The following ELP6 variants were observed in gnomAD, a reference collection of about 807,000 sequenced individuals.
ELP6 encodes the protein elongator complex protein 6.
Under a neutral mutation model 28.1 loss-of-function variants are expected in ELP6, and 23 were observed. The ratio of observed to expected loss-of-function variants is 0.82; its 90% CI spans 0.59 to 1.16. The LOEUF (loss-of-function observed/expected upper bound fraction) is 1.16. ELP6 is among the 50% of genes most tolerant of loss of function. The pLI is 0.00. For missense variants in ELP6, 313 were observed against 334.6 expected (o/e 0.94, Z 0.50); for synonymous variants, 132 against 135.8 (o/e 0.97, Z 0.19).
intron 3 of ELP6, among the ~76,000 whole-genome samples, chr3:47,508,195 T>G (rs1477064267): frequency 6.6e-6 from 1 of 152,254 alleles, no homozygotes; most frequent in Non-Finnish European, 1.5e-5. Flanking sequence ...AGGCAGTGAC[T>G]TGGTCCAATA....
chr3:47,511,788 A>T, intron 1 of ELP6: 1 of 991,420 alleles, frequency 1.0e-6, no homozygotes, highest in Non-Finnish European at 1.2e-6. Context: ...AAGACCTCTA[A>T]GGGTGGTCTC....
rs1013326098 is a variant in ELP6 at position 47,498,531 on chromosome 3, T to C, written c.526-99A>G. 4.5e-6 allele frequency: 7 copies of C among 1,544,926 alleles called. No homozygotes were observed. In the Admixed American group the frequency reaches 1.2e-4, roughly 27 times the overall value. ...GTTGCCTCCACTCCCCTGTACATCC[T>C]CTCACAGATCACCCTCCCTGCTGCT... On this transcript the variant is annotated intron_variant, in intron 5 of 6. Transcript: ENST00000296149.
In ELP6 at chr3:47,511,027, G is replaced by A. The variant is rs924329131; in HGVS notation, c.133+121C>T. On this transcript the variant is annotated intron_variant, in intron 2 of 6. Coordinates refer to ENST00000296149, the MANE Select transcript of ELP6 (RefSeq NM_001031703.3). Reference sequence around the variant, plus strand: ...TTATCCTAATAAAATAGCCCCCCTAGGTATCCCAACACCAAGGCTTGGCTT... The same window carrying A: ...TTATCCTAATAAAATAGCCCCCCTAAGTATCCCAACACCAAGGCTTGGCTT... 12 of 777,478 alleles carry A rather than the reference G, an allele frequency of 1.5e-5. No homozygotes were observed. The African/African-American group carries it at 2.1e-4, about 13-fold the overall frequency. The allele number at this position is 777,478 out of a possible 1,614,324, so 48.2% of individuals were successfully genotyped here.
chr3:47,503,480 C>T (rs1708728995), intron 4 of ELP6: 4 of 1,265,328 alleles, frequency 3.2e-6, no homozygotes, highest in Non-Finnish European at 4.1e-6. Context: ...GCTTGCAGGT[C>T]ATATGGTCTC....
intron 1 of ELP6, 172 bp from the exon 2 acceptor site, chr3:47,511,398 G>A: frequency 7.1e-7 from 1 of 1,411,838 alleles, no homozygotes; most frequent in Non-Finnish European, 9.2e-7. Context: ...CAAAATTATG[G>A]AAAATCCATG....
Position 47,513,626 on chromosome 3 carries a change from C to G in ELP6, c.-36G>C. 1 of 1,612,552 alleles carries G rather than the reference C, an allele frequency of 6.2e-7. No individual in the cohort carries two copies. Among genetic ancestry groups the G allele is most frequent in the Admixed American group, 1.7e-5 (1 of 59,802 alleles). On this transcript the variant is annotated 5_prime_UTR_variant, in exon 1 of 7. Transcript: ENST00000296149. ...TGGGACTAGCGCTCTGGAGGAGAAC[C>G]CGGAGTGCTGCAGAGACGACGGAGG... is the stretch of plus-strand genomic sequence containing the variant.
chr3:47,512,070 G>A (rs1008150645), intron 1 of ELP6: 5 of 985,174 alleles, frequency 5.1e-6, no homozygotes, highest in Non-Finnish European at 6.0e-6. Context: ...AGTGCCAGTG[G>A]TAACTGGCAA....
chr3:47,505,928 G>A (rs1403004144), intron 3 of ELP6, among the ~76,000 whole-genome samples: 2 of 152,020 alleles, frequency 1.3e-5, no homozygotes, highest in East Asian at 1.9e-4. Flanking sequence ...GGCTGGTCTC[G>A]AACTCCTGGC....
At chr3:47,505,546 A>G (rs1180155601) in intron 3 of ELP6, among the ~76,000 whole-genome samples, 1 of 152,036 alleles carries the variant, frequency 6.6e-6, no homozygotes, top group African/African-American at 2.4e-5. Flanking sequence ...CTGGGATTAC[A>G]GGTATGCACC....
chr3:47,499,412 G>A (rs544386882), intron 5 of ELP6, among the ~76,000 whole-genome samples: 2 of 152,082 alleles, frequency 1.3e-5, no homozygotes, highest in African/African-American at 2.4e-5. Flanking sequence ...CCAGCTACTC[G>A]GGAGGCTGTG....
chr3:47,513,127 A>T (rs964742617), intron 1 of ELP6: 27 of 855,586 alleles, frequency 3.2e-5, no homozygotes. Flanking sequence ...AGTAGCTGAG[A>T]TTACAGGCAT....
intron 4 of ELP6, among the ~76,000 whole-genome samples, chr3:47,502,851 T>A (rs901265171): frequency 2.6e-5 from 4 of 151,210 alleles, no homozygotes; most frequent in South Asian, 4.2e-4. Flanking sequence ...AAAAAAAAAA[T>A]GAAAAGAAGA....
chr3:47,513,537 C>G lies in ELP6; in HGVS notation c.54G>C (p.Gln18His), dbSNP rs545060366. 20 of 1,612,784 alleles carry G rather than the reference C, an allele frequency of 1.2e-5. No homozygotes were observed. In the South Asian group the frequency reaches 2.0e-4, roughly 16 times the overall value. ...LLNTTPDRAE[Q>H]GKLTLLCDAK... is the part of the protein sequence containing the mutation. ...CCTTCCGGCCAGCGGGACCTCTTAC[C>G]TGCTCCGCCCTGTCGGGGGTGGTGT... The change falls in exon 1 of 7, where the codon CAG (glutamine) becomes CAC (histidine). Residue 18 changes from glutamine to histidine, a missense_variant and splice_region_variant. Coordinates refer to ENST00000296149, the MANE Select transcript of ELP6 (RefSeq NM_001031703.3).
At chr3:47,511,350 C>A in intron 1 of ELP6, 124 bp from the exon 2 acceptor site, 1 of 1,435,444 alleles carries the variant, frequency 7.0e-7, no homozygotes, top group South Asian at 1.4e-5. Flanking sequence ...TTTTTAATGA[C>A]ATACATGCTA....
At chr3:47,510,331 AAAGCACTGAG>A in intron 2 of ELP6, 77 bp from the exon 3 acceptor site, 1 of 1,307,694 alleles carries the variant, frequency 7.6e-7, no homozygotes, top group Non-Finnish European at 1.1e-6. Flanking sequence ...TCTGGAAAAA[AAAGCACTGAG>A]GCAAATCTAG....
intron 3 of ELP6, among the ~76,000 whole-genome samples, chr3:47,508,796 GCT>G (rs1708924494): frequency 8.0e-6 from 1 of 124,534 alleles, no homozygotes; most frequent in African/African-American, 3.1e-5. Flanking sequence ...ATGGAGTCTT[GCT>G]CTGTCTCCCA....
rs1052352903 is a variant in ELP6 at position 47,513,530 on chromosome 3, C to T, written c.54+7G>A. Reference sequence around the variant, plus strand: ...CCCGCCCCCTTCCGGCCAGCGGGACCTCTTACCTGCTCCGCCCTGTCGGGG... The same window carrying T: ...CCCGCCCCCTTCCGGCCAGCGGGACTTCTTACCTGCTCCGCCCTGTCGGGG... On this transcript the variant is annotated splice_region_variant and intron_variant, in intron 1 of 6. Coordinates refer to ENST00000296149, the MANE Select transcript of ELP6 (RefSeq NM_001031703.3). The T allele has an allele frequency of 2.5e-6, 4 of 1,612,342 alleles. No homozygotes were observed. Among genetic ancestry groups the T allele is most frequent in the Non-Finnish European group, 3.4e-6 (4 of 1,179,206 alleles).
At chr3:47,510,720 G>A (rs1401631132) in intron 2 of ELP6, among the ~76,000 whole-genome samples, 2 of 152,124 alleles carry the variant, frequency 1.3e-5, no homozygotes, top group African/African-American at 2.4e-5. Context: ...TGGGCCTCCC[G>A]AATGCTGGGA....
chr3:47,495,900 G>A lies in ELP6; in HGVS notation c.*169C>T, dbSNP rs1369299665. The A allele has an allele frequency of 2.7e-6, 3 of 1,131,650 alleles. No homozygotes were observed. The highest frequency in any genetic ancestry group is 5.5e-5 in the East Asian group (2 of 36,318). The allele number at this position is 1,131,650 out of a possible 1,614,324, so 70.1% of individuals were successfully genotyped here. A position where few individuals can be genotyped will look rare whatever the true frequency, so the allele number is the denominator to read the frequency against. ...CCTTGTGTTTTCTGAACAGGGCCCA[G>A]GGCAGCCAAGGCATGCCATCACTGC... On this transcript the variant is annotated 3_prime_UTR_variant, in exon 7 of 7. Coordinates refer to ENST00000296149, the MANE Select transcript of ELP6 (RefSeq NM_001031703.3).
Sources: gnomAD v4.1 joint callset for allele counts (sites outside exome capture counted in the v4.1 genomes callset) on GRCh38, gnomAD v4.1.1 for gene constraint, MANE v1.5 for transcripts, NCBI Gene and HGNC (gene_info 2026-07-23, HGNC 2026-07-21) for gene names.